The following GRIN2A variants were observed in gnomAD, a reference collection of about 807,000 sequenced individuals.
The protein encoded by GRIN2A is glutamate ionotropic receptor NMDA type subunit 2A.
GRIN2A carries 22 observed loss-of-function variants against 113.4 expected under a neutral mutation model. The ratio of observed to expected loss-of-function variants is 0.19; its 90% confidence interval spans 0.14 to 0.28. The LOEUF (loss-of-function observed/expected upper bound fraction) is 0.28. Ranked by LOEUF, GRIN2A falls within the 10% of genes least tolerant of loss-of-function variation. The pLI is 1.00. For synonymous variants in GRIN2A, 827 were observed against 738.4 expected, an observed-to-expected ratio of 1.12 and a Z score of -1.94; for missense variants, 1,502 against 1,887.0, an observed-to-expected ratio of 0.80 and a Z score of 3.78.
chr16:9,973,347 G>C (rs1270598304), intron 2 of GRIN2A, among the ~76,000 whole-genome samples: 2 of 152,118 alleles, frequency 1.3e-5, no homozygotes, highest in Non-Finnish European at 2.9e-5. Flanking sequence ...GGTTATTTTG[G>C]CCTACACCTC....
intron 2 of GRIN2A, among the ~76,000 whole-genome samples, chr16:10,007,096 G>C (rs748954319): frequency 2.0e-5 from 3 of 152,312 alleles, no homozygotes; most frequent in African/African-American, 7.2e-5. Context: ...ATAAACATGG[G>C]AGTGCAGATA....
chr16:9,976,756 T>C (rs2045780890), intron 2 of GRIN2A, among the ~76,000 whole-genome samples: 3 of 152,170 alleles, frequency 2.0e-5, no homozygotes, highest in South Asian at 2.1e-4. Flanking sequence ...TCACAAATGA[T>C]GCATGTCCTC....
chr16:9,807,973 C>T (rs1247143252), intron 10 of GRIN2A, among the ~76,000 whole-genome samples: 1 of 152,182 alleles, frequency 6.6e-6, no homozygotes, highest in Non-Finnish European at 1.5e-5. Flanking sequence ...GTATTTTCTT[C>T]ACCACAACTC....
intron 2 of GRIN2A, among the ~76,000 whole-genome samples, chr16:10,135,057 G>C (rs953662152): frequency 3.3e-5 from 5 of 152,164 alleles, no homozygotes; most frequent in African/African-American, 7.2e-5. Flanking sequence ...ATCAAATCTT[G>C]CTTTCTTTTT....
intron 4 of GRIN2A, among the ~76,000 whole-genome samples, chr16:9,864,440 T>A (rs79138123): frequency 2.6e-5 from 4 of 151,866 alleles, no homozygotes; most frequent in South Asian, 4.1e-4. Flanking sequence ...AGTTTTTTTT[T>A]AAATGAAAAC....
At chr16:10,037,285 C>T (rs2047054784) in intron 2 of GRIN2A, 3 of 152,096 alleles carry the variant, frequency 2.0e-5, no homozygotes, top group South Asian at 4.1e-4. Flanking sequence ...AATATAAAAA[C>T]GACCCTGTTG....
intron 3 of GRIN2A, among the ~76,000 whole-genome samples, chr16:9,921,554 G>GTT (rs1346245987): frequency 6.6e-6 from 1 of 152,156 alleles, no homozygotes; most frequent in Non-Finnish European, 1.5e-5. Flanking sequence ...ATTTCACAGA[G>GTT]ATGTTGTGAC....
At chr16:10,111,534 A>G (rs2048614044) in intron 2 of GRIN2A, 1 of 760,424 alleles carries the variant, frequency 1.3e-6, no homozygotes, top group Admixed American at 1.7e-5. Context: ...AGGTAGACCT[A>G]ACTTCAGCCC....
chr16:10,012,571 A>T (rs1189953032), intron 2 of GRIN2A, among the ~76,000 whole-genome samples: 1 of 152,232 alleles, frequency 6.6e-6, no homozygotes, highest in Non-Finnish European at 1.5e-5. Context: ...AAAGGTGTCC[A>T]TGTCCTAATC....
intron 2 of GRIN2A, among the ~76,000 whole-genome samples, chr16:10,101,459 G>C (rs1041478696): frequency 1.3e-5 from 2 of 152,194 alleles, no homozygotes; most frequent in Non-Finnish European, 2.9e-5. Context: ...CCGTGGAAGA[G>C]AACAGTCTGA....
chr16:10,080,551 C>T (rs750696446), intron 2 of GRIN2A, among the ~76,000 whole-genome samples: 2 of 152,260 alleles, frequency 1.3e-5, no homozygotes, highest in South Asian at 2.1e-4. Context: ...TCTTGGAAGC[C>T]GAGCAACACG....
At chr16:10,039,784 G>A (rs2047110133) in intron 2 of GRIN2A, among the ~76,000 whole-genome samples, 1 of 93,714 alleles carries the variant, frequency 1.1e-5, no homozygotes, top group East Asian at 9.0e-4. Flanking sequence ...GGGAGGGGGA[G>A]GGGGAGGGGG....
chr16:10,000,317 G>A (rs2046297855), intron 2 of GRIN2A, among the ~76,000 whole-genome samples: 1 of 152,088 alleles, frequency 6.6e-6, no homozygotes. Flanking sequence ...GTTAACCACT[G>A]CGGCTATTTC....
chr16:9,938,743 G>T (rs1013422707), intron 2 of GRIN2A, among the ~76,000 whole-genome samples, 192 bp from the exon 3 acceptor site: 1 of 152,124 alleles, frequency 6.6e-6, no homozygotes, highest in Non-Finnish European at 1.5e-5. Flanking sequence ...CTGTACTCAG[G>T]AGCTCATAGC....
At chr16:10,012,213 C>T (rs1333752652) in intron 2 of GRIN2A, among the ~76,000 whole-genome samples, 2 of 152,116 alleles carry the variant, frequency 1.3e-5, no homozygotes, top group African/African-American at 4.8e-5. Context: ...ATTCTTTAAT[C>T]CTGTACAGAA....
rs549646924 is a variant in GRIN2A at position 10,064,894 on chromosome 16, T to G, written c.414+115104A>C. 9.2e-5 allele frequency among the ~76,000 whole-genome samples: 14 copies of G among 152,334 alleles called. No homozygotes were observed. In the South Asian group the frequency reaches 2.9e-3, roughly 32 times the overall value. The stretch of plus-strand genomic sequence containing the variant: ...GGCTGGCAAGCATTCACACGGTCAG[T>G]GCATTCATCCAAACGGACGAATCCC... On this transcript the variant is annotated intron_variant, in intron 2 of 12. Coordinates refer to ENST00000330684, the MANE Select transcript of GRIN2A (RefSeq NM_001134407.3).
At chr16:9,775,875 T>G (rs1596391071) in intron 11 of GRIN2A, among the ~76,000 whole-genome samples, 1 of 152,220 alleles carries the variant, frequency 6.6e-6, no homozygotes, top group African/African-American at 2.4e-5. Flanking sequence ...TGAGTGAGTG[T>G]GCAATGTCTC....
At position 10,028,379 on chromosome 16, in the gene GRIN2A, G is replaced by A. The variant is rs2046860602; in HGVS notation, c.415-89828C>T. ...TGTGTGCTCCCATTTACACAGTGTG[G>A]CACTGTCGCTGGGAGGCAGCTGCCC... On this transcript the variant is annotated intron_variant, in intron 2 of 12. Transcript: ENST00000330684. Among the ~76,000 whole-genome samples the A allele has an allele frequency of 2.0e-5, 3 of 152,176 alleles. No individual in the cohort carries two copies. The South Asian group carries it at 6.2e-4, about 32-fold the overall frequency.
chr16:10,029,882 A>C (rs538336796), intron 2 of GRIN2A, among the ~76,000 whole-genome samples: 10 of 152,302 alleles, frequency 6.6e-5, no homozygotes, highest in African/African-American at 2.4e-4. Flanking sequence ...CTGTAATCCC[A>C]GCTACTCAGG....
Sources: allele counts gnomAD v4.1 joint callset (sites outside exome capture counted in the v4.1 genomes callset), GRCh38; gene constraint gnomAD v4.1.1; transcripts MANE v1.5; gene names NCBI Gene and HGNC (gene_info 2026-07-23, HGNC 2026-07-21).